Variants in FXYD1 observed in about 807,000 individuals in gnomAD.
FXYD1 encodes FXYD domain containing ion transport regulator 1.
FXYD1 carries 9 observed loss-of-function variants against 17.2 expected under a neutral mutation model. That is an observed-to-expected ratio of 0.52 (90% CI 0.32 to 0.91). The LOEUF is 0.91. Ranked by LOEUF, FXYD1 falls within the 40% of genes least tolerant of loss-of-function variation. The pLI, the probability that FXYD1 is intolerant of heterozygous loss-of-function variation, is 0.04. For synonymous variants in FXYD1, 55 were observed against 45.8 expected (o/e 1.20, Z -0.81); for missense variants, 113 against 120.6 (o/e 0.94, Z 0.29).
upstream of FXYD1, chr19:35,138,137 A>C (rs2065219865): frequency 6.6e-6 from 1 of 152,224 alleles, no homozygotes; most frequent in East Asian, 1.9e-4. Flanking sequence ...GTGTAGACAT[A>C]AATGTGCTTG....
chr19:35,142,384 TG>T, intron 5 of FXYD1, 87 bp from the exon 6 acceptor site: 1 of 1,021,478 alleles, frequency 9.8e-7, no homozygotes, highest in Non-Finnish European at 1.5e-6. Flanking sequence ...TACACCAATC[TG>T]GGAAAGGAGG....
At chr19:35,142,821 G>C in intron 7 of FXYD1, 50 bp downstream of exon 7, 1 of 1,435,476 alleles carries the variant, frequency 7.0e-7, no homozygotes, top group Non-Finnish European at 9.7e-7. Flanking sequence ...AGGAAGGAAA[G>C]GCGGGAGAGG....
Position 35,141,516 on chromosome 19 carries a change from C to G in FXYD1, c.170-20C>G. The G allele has an allele frequency of 1.9e-6, 3 of 1,605,860 alleles. No homozygotes were observed. In the South Asian group the frequency reaches 3.3e-5, roughly 18 times the overall value. ...CGCCGGGAGGGAGCCTCAGCTTCTC[C>G]TACCTCTCCACGCCCACAGGCAGAA... is the stretch of plus-strand genomic sequence containing the variant. On this transcript the variant is annotated intron_variant, in intron 4 of 7. Coordinates refer to ENST00000351325, the MANE Select transcript of FXYD1 (RefSeq NM_021902.4).
intron 3 of FXYD1, 174 bp downstream of exon 3, chr19:35,140,803 A>G: frequency 1.6e-6 from 1 of 619,178 alleles, no homozygotes; most frequent in Non-Finnish European, 2.9e-6. Context: ...GTCTGTGTCT[A>G]TCTGTGTCAC....
At chr19:35,138,082 T>C (rs528021050), upstream of FXYD1, 1 of 152,050 alleles carries the variant, frequency 6.6e-6, no homozygotes, top group Non-Finnish European at 1.5e-5. Context: ...TGTCTTTGAC[T>C]GTATCTCTGT....
In FXYD1 at chr19:35,142,925, T is replaced by G. The variant is rs549307609; in HGVS notation, c.*38T>G. 3.5e-5 allele frequency: 22 copies of G among 628,840 alleles called. No homozygotes were observed. The South Asian group carries it at 3.7e-4, about 11-fold the overall frequency. The allele number at this position is 628,840 out of a possible 1,614,324, so 39.0% of individuals were successfully genotyped here. ...CCTTTTCACCCTCACAGGACTCCCCTGGCACCTGACATCTCCCACGCTCCA... is the reference window on the plus strand; with the variant it reads ...CCTTTTCACCCTCACAGGACTCCCCGGGCACCTGACATCTCCCACGCTCCA... On this transcript the variant is annotated 3_prime_UTR_variant, in exon 8 of 8. Coordinates refer to ENST00000351325, the MANE Select transcript of FXYD1 (RefSeq NM_021902.4).
rs138714466 is a variant in FXYD1 at position 35,140,135 on chromosome 19, A to G, written c.56A>G (p.Lys19Arg). 1.3e-5 allele frequency: 21 copies of G among 1,557,776 alleles called. No homozygotes were observed. In the African/African-American group the frequency reaches 1.9e-4, roughly 14 times the overall value. ...TGTGTGGGTCTCCTCACCATGGCCA[A>G]GGCAGGTGAGTGCAGGGGAGGCTGC... Reference protein sequence around the residue: ...VFCVGLLTMAKAESPKEHDPF... With the variant: ...VFCVGLLTMARAESPKEHDPF... The change falls in exon 2 of 8, where the codon AAG becomes AGG. Residue 19 changes from lysine (K) to arginine (R), a missense_variant. Coordinates refer to ENST00000351325, the MANE Select transcript of FXYD1 (RefSeq NM_021902.4).
In FXYD1 at chr19:35,140,066, TC is replaced by T. The variant is rs763188698; in HGVS notation, c.-4-3del. 15 of 1,611,212 alleles carry T rather than the reference TC, an allele frequency of 9.3e-6. No homozygotes were observed. The highest frequency in any genetic ancestry group is 6.7e-5 in the East Asian group (3 of 44,868). ...GGCACACACTGCCTAATCCGTGGTG[TC>T]CCCCCCAGGACAATGGCGTCTCTTG... is the stretch of plus-strand genomic sequence containing the variant. On this transcript the variant is annotated splice_polypyrimidine_tract_variant and intron_variant, in intron 1 of 7. Coordinates refer to ENST00000351325, the MANE Select transcript of FXYD1 (RefSeq NM_021902.4).
chr19:35,138,052 T>A (rs1600481505), upstream of FXYD1: 1 of 152,220 alleles, frequency 6.6e-6, no homozygotes, highest in Admixed American at 6.5e-5. Context: ...AGTTTGTGAG[T>A]GTAGATGGTG....
intron 1 of FXYD1, 184 bp from the exon 2 acceptor site, chr19:35,139,892 T>G (rs1387572312): frequency 6.9e-6 from 4 of 581,506 alleles, no homozygotes; most frequent in Non-Finnish European, 1.3e-5. Context: ...GTGGAGGTTG[T>G]TTTGGTGACA....
At chr19:35,140,186 T>C in intron 2 of FXYD1, 46 bp downstream of exon 2, 7 of 1,141,226 alleles carry the variant, frequency 6.1e-6, no homozygotes, top group Non-Finnish European at 8.0e-6. Flanking sequence ...GCCCCAGGGG[T>C]GGCGGTGGGG....
At chr19:35,142,611 G>A (rs1330873574) in intron 6 of FXYD1, 90 bp downstream of exon 6, 2 of 1,542,444 alleles carry the variant, frequency 1.3e-6, no homozygotes, top group African/African-American at 1.4e-5. Context: ...TAGAGGGAAG[G>A]GCTGGATCTG....
chr19:35,142,632 G>T, intron 6 of FXYD1, 88 bp from the exon 7 acceptor site: 4 of 1,540,160 alleles, frequency 2.6e-6, no homozygotes, highest in Non-Finnish European at 3.6e-6. Context: ...AAAGCGGAGG[G>T]CGGGGAGTTG....
chr19:35,137,708 G>C (rs141667985), upstream of FXYD1: 512 of 152,354 alleles, frequency 3.4e-3, 8 homozygotes, highest in South Asian at 0.037. Context: ...CTCACTGCAA[G>C]CTCTGCCTCC....
intron 1 of FXYD1, chr19:35,139,746 G>A (rs967903594): frequency 6.4e-6 from 2 of 310,386 alleles, no homozygotes; most frequent in Non-Finnish European, 1.2e-5. Flanking sequence ...GTGTGAGGCA[G>A]CGCCTCCTCT....
chr19:35,137,374 C>T (rs1306343496), upstream of FXYD1, among the ~76,000 whole-genome samples: 2 of 152,230 alleles, frequency 1.3e-5, no homozygotes, highest in African/African-American at 4.8e-5. Context: ...TGTGAACATG[C>T]AAGTGTGTCA....
At chr19:35,142,872 G>C in intron 7 of FXYD1, 45 bp from the exon 8 acceptor site, 1 of 838,398 alleles carries the variant, frequency 1.2e-6, no homozygotes, top group South Asian at 1.4e-5. Context: ...GCGAGGGGTG[G>C]GGCTGGACGT....
rs1446173403 is a variant in FXYD1 at position 35,140,968 on chromosome 19, G to C, written c.95-164G>C. ...TCCTATACACCCCTTTCCTCTCCCT[G>C]GTACCCCACTTTCCTCCTCCCATAT... On this transcript the variant is annotated intron_variant, in intron 3 of 7. Coordinates refer to ENST00000351325, the MANE Select transcript of FXYD1 (RefSeq NM_021902.4). The C allele has an allele frequency of 5.3e-6, 3 of 569,236 alleles. No individual in the cohort carries two copies. In the African/African-American group the frequency reaches 6.6e-5, roughly 13 times the overall value. The allele number at this position is 569,236 out of a possible 1,614,324, so 35.3% of individuals were successfully genotyped here.
rs1452709562 is a variant in FXYD1, at chr19:35,138,837, C to T, written c.-62C>T. 1.3e-5 allele frequency: 2 copies of T among 152,454 alleles called. No homozygotes were observed. Among genetic ancestry groups the T allele is most frequent in the Non-Finnish European group, 2.9e-5 (2 of 68,220 alleles). 9.4% of individuals were successfully genotyped at this position (152,454 alleles called of 1,614,324 possible). A position where few individuals can be genotyped will look rare whatever the true frequency, so the allele number is the denominator to read the frequency against. On this transcript the variant is annotated 5_prime_UTR_variant, in exon 1 of 8. Transcript: ENST00000351325. ...GCCAGGGGGTCCAAAGTGCTCAGCC[C>T]CCGGGGCACAGCAGGACGTTTGGGG...
Sources: allele counts gnomAD v4.1 joint callset (sites outside exome capture counted in the v4.1 genomes callset), GRCh38; gene constraint gnomAD v4.1.1; transcripts MANE v1.5; gene names NCBI Gene and HGNC (gene_info 2026-07-23, HGNC 2026-07-21).